Variants in PKP2 observed in about 807,000 individuals in gnomAD.
The protein encoded by PKP2 is plakophilin-2.
PKP2 carries 73 observed loss-of-function variants against 83.4 expected under a neutral mutation model. That is an observed-to-expected ratio of 0.88 (90% CI 0.72 to 1.06). The LOEUF is 1.06. PKP2 is among the 50% of genes least tolerant of loss of function. The pLI is 0.00. For missense variants in PKP2, 966 were observed against 1,065.4 expected, an observed-to-expected ratio of 0.91 and a Z score of 1.30; for synonymous variants, 409 against 430.4, an observed-to-expected ratio of 0.95 and a Z score of 0.62.
rs143782040 is a variant in PKP2, at chr12:32,841,075, A to G, written c.1509T>C (p.Asn503=). The part of the protein sequence containing the change: ...GWPEGDYPKA[N]GLLDFDIFYN... ...AGAATATGTCAAAATCGAGCAAACCATTTGCTTTTGGGTAGTCTCCTTCAG... is the reference window on the plus strand; with the variant it reads ...AGAATATGTCAAAATCGAGCAAACCGTTTGCTTTTGGGTAGTCTCCTTCAG... The change falls in exon 6 of 13, where the codon AAT becomes AAC. Residue 503 remains asparagine (N), a synonymous_variant. Transcript: ENST00000340811. 244 of 1,613,836 alleles carry G rather than the reference A, an allele frequency of 1.5e-4. No homozygotes were observed. In the East Asian group the frequency reaches 5.1e-3, roughly 34 times the overall value.
At position 32,868,991 on chromosome 12, in the gene PKP2, C is replaced by A; in HGVS notation, c.1106G>T (p.Arg369Met). ...TATGAAAGTAGCTGCAGCAGAAATCCTGGATGGCAGCATGTGGTCTGCCTC... is the reference window on the plus strand; with the variant it reads ...TATGAAAGTAGCTGCAGCAGAAATCATGGATGGCAGCATGTGGTCTGCCTC... ...MLEADHMLPS[R>M]ISAAATFIQH... The change falls in exon 4 of 13, where the codon AGG becomes ATG. Residue 369 changes from arginine to methionine, a missense_variant. Physicochemically the swap from Arg to Met is moderately conservative, Grantham distance 91. Transcript: ENST00000340811. The A allele has an allele frequency of 6.2e-7, 1 of 1,614,002 alleles. No homozygotes were observed. Among genetic ancestry groups the A allele is most frequent in the Non-Finnish European group, 8.5e-7 (1 of 1,179,952 alleles).
At chr12:32,856,676 A>G (rs1384811387) in intron 4 of PKP2, among the ~76,000 whole-genome samples, 2 of 152,038 alleles carry the variant, frequency 1.3e-5, no homozygotes, top group African/African-American at 4.8e-5. Flanking sequence ...TGGGTGCAGC[A>G]CACTAACATG....
chr12:32,821,038 G>A (rs1028100418), intron 9 of PKP2: 15 of 362,146 alleles, frequency 4.1e-5, no homozygotes, highest in Admixed American at 4.0e-4. Flanking sequence ...GTGCACCTAA[G>A]TCCAGTCACG....
intron 1 of PKP2, 63 bp downstream of exon 1, chr12:32,896,446 A>T (rs1021160757): frequency 8.0e-7 from 1 of 1,253,984 alleles, no homozygotes; most frequent in African/African-American, 1.5e-5. Flanking sequence ...TGAGGGCGGG[A>T]TAGGAGGAGG....
intron 3 of PKP2, among the ~76,000 whole-genome samples, chr12:32,869,675 C>T (rs913998790): frequency 2.0e-5 from 3 of 151,386 alleles, no homozygotes; most frequent in Non-Finnish European, 4.4e-5. Flanking sequence ...ACTTTAAAGG[C>T]ACAATAAGAC....
intron 4 of PKP2, among the ~76,000 whole-genome samples, chr12:32,865,836 C>T (rs1303421139): frequency 2.0e-5 from 3 of 151,982 alleles, no homozygotes; most frequent in Non-Finnish European, 2.9e-5. Context: ...ATTAAATTTA[C>T]ATATACCAAA....
chr12:32,792,590 G>A, intron 12 of PKP2, 54 bp downstream of exon 12: 3 of 1,551,734 alleles, frequency 1.9e-6, no homozygotes, highest in Non-Finnish European at 2.7e-6. Context: ...AGTCAAGTGG[G>A]CCATTATTAC....
chr12:32,883,945 C>T (rs140142657), intron 1 of PKP2, among the ~76,000 whole-genome samples: 1 of 152,282 alleles, frequency 6.6e-6, no homozygotes, highest in African/African-American at 2.4e-5. Flanking sequence ...TCCTCTCACC[C>T]CTTCTCCCTT....
chr12:32,829,558 T>A (rs1956479073), intron 6 of PKP2, among the ~76,000 whole-genome samples: 1 of 152,120 alleles, frequency 6.6e-6, no homozygotes, highest in African/African-American at 2.4e-5. Context: ...GTTTTTTAAA[T>A]GGGACTATTG....
Position 32,870,772 on chromosome 12 carries a change from C to CT in PKP2, c.1035-1711dup, listed in dbSNP as rs567544166. 9.8e-3 allele frequency among the ~76,000 whole-genome samples: 1,488 copies of CT among 151,448 alleles called. 20 individuals carry two copies. The highest frequency in any genetic ancestry group is 0.017 in the Non-Finnish European group (1,124 of 67,828). ...ATAAGAACAGCCTTCTGTTATGCAG[C>CT]TTTTTTTTTAAAAAAAGATTGAGCC... On this transcript the variant is annotated intron_variant, in intron 3 of 12. Coordinates refer to ENST00000340811, the MANE Select transcript of PKP2 (RefSeq NM_001005242.3).
At chr12:32,890,914 C>T (rs571166965) in intron 1 of PKP2, among the ~76,000 whole-genome samples, 5 of 146,992 alleles carry the variant, frequency 3.4e-5, no homozygotes, top group African/African-American at 5.1e-5. Context: ...GAGCCGAGAT[C>T]GTACCACCGC....
At chr12:32,813,457 TAGTC>T (rs755732883) in intron 9 of PKP2, among the ~76,000 whole-genome samples, 12 of 152,224 alleles carry the variant, frequency 7.9e-5, no homozygotes, top group Admixed American at 3.3e-4. Flanking sequence ...TTTTATAATT[TAGTC>T]AGTATCTTTT....
At chr12:32,823,667 C>T (rs947914901) in intron 7 of PKP2, among the ~76,000 whole-genome samples, 5 of 150,808 alleles carry the variant, frequency 3.3e-5, no homozygotes, top group Admixed American at 6.6e-5. Flanking sequence ...AGTGCAGTGG[C>T]GCAATCTCTG....
chr12:32,818,702 C>T (rs957614024), intron 9 of PKP2, among the ~76,000 whole-genome samples: 6 of 152,082 alleles, frequency 3.9e-5, no homozygotes, highest in African/African-American at 1.4e-4. Flanking sequence ...TATAATCTGT[C>T]TTTTAGGAAC....
At chr12:32,821,086 A>G in intron 9 of PKP2, 1 of 429,688 alleles carries the variant, frequency 2.3e-6, no homozygotes, top group Non-Finnish European at 4.3e-6. Context: ...TCAGTGCCAT[A>G]AGCCAAAAAT....
chr12:32,895,620 G>A (rs1315167933), intron 1 of PKP2, among the ~76,000 whole-genome samples: 2 of 152,208 alleles, frequency 1.3e-5, no homozygotes, highest in African/African-American at 2.4e-5. Context: ...AAGGGTCACT[G>A]AGTTGATCCC....
In PKP2 at chr12:32,878,007, A is replaced by T. The variant is rs747032628; in HGVS notation, c.873T>A (p.His291Gln). ...TGCGGGTGCTGTGGAAGGAGCTCTGATGCCAGGAGGACCTGGAAGCCCTGT... is the reference window on the plus strand; with the variant it reads ...TGCGGGTGCTGTGGAAGGAGCTCTGTTGCCAGGAGGACCTGGAAGCCCTGT... The part of the protein sequence containing the change: ...TQNRASRSSW[H>Q]QSSFHSTRTL... Residue 291 changes from histidine to glutamine, a missense_variant, in exon 3 of 13, where the codon CAT (histidine) becomes CAA (glutamine). Transcript: ENST00000340811. The T allele has an allele frequency of 6.2e-7, 1 of 1,614,028 alleles. No homozygotes were observed. Among genetic ancestry groups the T allele is most frequent in the South Asian group, 1.1e-5 (1 of 91,082 alleles).
At chr12:32,862,205 A>C (rs530796652) in intron 4 of PKP2, among the ~76,000 whole-genome samples, 1 of 152,182 alleles carries the variant, frequency 6.6e-6, no homozygotes, top group Non-Finnish European at 1.5e-5. Flanking sequence ...GCCAACTTTC[A>C]GTACTAATAT....
chr12:32,794,470 C>T (rs1160889968), intron 11 of PKP2, among the ~76,000 whole-genome samples: 1 of 152,174 alleles, frequency 6.6e-6, no homozygotes, highest in African/African-American at 2.4e-5. Context: ...TCCTTGTTAA[C>T]TTTTGTTTTT....
Sources: allele counts gnomAD v4.1 joint callset (sites outside exome capture counted in the v4.1 genomes callset), GRCh38; gene constraint gnomAD v4.1.1; transcripts MANE v1.5; gene names NCBI Gene and HGNC (gene_info 2026-07-23, HGNC 2026-07-21).